The following NTAQ1 variants were observed in gnomAD, a reference collection of about 807,000 sequenced individuals.
NTAQ1 encodes the protein N-terminal glutamine amidase 1, also known as protein N-terminal glutamine amidohydrolase.
In NTAQ1, 21 loss-of-function variants were observed where a neutral mutation model predicts 28.2. The observed-to-expected ratio is 0.74, with a 90% confidence interval of 0.53 to 1.07. The LOEUF is 1.07. NTAQ1 is among the 50% of genes least tolerant of loss of function. NTAQ1 has a pLI of 0.00. For missense variants in NTAQ1, 264 were observed against 256.6 expected, an observed-to-expected ratio of 1.03 and a Z score of -0.20; for synonymous variants, 105 against 90.0, an observed-to-expected ratio of 1.17 and a Z score of -0.94.
chr8:123,475,143 G>A, the NTAQ1 span, among the ~76,000 whole-genome samples: 10 of 151,658 alleles, frequency 6.6e-5, no homozygotes, highest in South Asian at 1.9e-3. Context: ...GGTTATAATC[G>A]AACACTGTCA....
intron 6 of NTAQ1, among the ~76,000 whole-genome samples, chr8:123,466,103 G>T (rs1815955098): frequency 6.6e-6 from 1 of 152,170 alleles, no homozygotes; most frequent in African/African-American, 2.4e-5. Context: ...GGGGCTGAGG[G>T]CAATAGCAGC....
chr8:123,437,129 G>A, intron 4 of NTAQ1, 81 bp from the exon 5 acceptor site: 1 of 1,564,328 alleles, frequency 6.4e-7, no homozygotes, highest in Non-Finnish European at 8.7e-7. Context: ...CATGTCATAG[G>A]AAATGAGTCG....
chr8:123,426,719 G>A (rs778070423), intron 1 of NTAQ1, among the ~76,000 whole-genome samples: 1 of 152,102 alleles, frequency 6.6e-6, no homozygotes, highest in Non-Finnish European at 1.5e-5. Context: ...CAGCACTTTG[G>A]GAGGCTGAGG....
chr8:123,462,481 G>T (rs1219588669), intron 6 of NTAQ1, among the ~76,000 whole-genome samples: 1 of 152,124 alleles, frequency 6.6e-6, no homozygotes, highest in African/African-American at 2.4e-5. Context: ...AAGGCACTAG[G>T]ACTTCTAAGG....
intron 1 of NTAQ1, among the ~76,000 whole-genome samples, chr8:123,421,442 G>A (rs960943951): frequency 1.3e-5 from 2 of 151,342 alleles, no homozygotes; most frequent in South Asian, 2.1e-4. Flanking sequence ...TTTGATTTGC[G>A]TTTCTCTAAT....
chr8:123,418,552 T>G (rs1317113238), intron 1 of NTAQ1, among the ~76,000 whole-genome samples: 1 of 152,112 alleles, frequency 6.6e-6, no homozygotes, highest in East Asian at 1.9e-4. Context: ...TTATCTTCTA[T>G]TAGGATATTT....
At chr8:123,443,819 C>T (rs1014068880), downstream of NTAQ1, among the ~76,000 whole-genome samples, 7 of 152,118 alleles carry the variant, frequency 4.6e-5, no homozygotes, top group African/African-American at 1.7e-4. Context: ...GCAGTCTGCC[C>T]ACCTCGGCCT....
intron 6 of NTAQ1, among the ~76,000 whole-genome samples, chr8:123,466,376 A>G (rs1016477676): frequency 1.3e-5 from 2 of 152,222 alleles, no homozygotes; most frequent in Admixed American, 1.3e-4. Context: ...GAGGAGGATT[A>G]TGGCGCATGG....
At chr8:123,471,482 G>T (rs1367123125), downstream of NTAQ1, among the ~76,000 whole-genome samples, 1 of 152,154 alleles carries the variant, frequency 6.6e-6, no homozygotes, top group African/African-American at 2.4e-5. Flanking sequence ...GATTATGGAG[G>T]CTGGAAAGTC....
rs1308311748 is a variant in NTAQ1 at position 123,416,801 on chromosome 8, G to A, written c.-49G>A. 1.3e-6 allele frequency: 2 copies of A among 1,500,414 alleles called. No homozygotes were observed. The highest frequency in any genetic ancestry group is 1.8e-6 in the Non-Finnish European group (2 of 1,124,012). 92.9% of individuals were successfully genotyped at this position (1,500,414 alleles called of 1,614,324 possible). A position where few individuals can be genotyped will look rare whatever the true frequency, so the allele number is the denominator to read the frequency against. On this transcript the variant is annotated 5_prime_UTR_variant, in exon 1 of 6. Transcript: ENST00000287387. ...TACAAGCCCGCCCTTTCCTACGTCT[G>A]GTCCAGTCGGTCTTCCTCCGGCCCG... is the stretch of plus-strand genomic sequence containing the variant.
In NTAQ1 at chr8:123,441,442, G is replaced by T; in HGVS notation, c.*27G>T. The T allele has an allele frequency of 6.4e-7, 1 of 1,561,092 alleles. No individual in the cohort carries two copies. The highest frequency in any genetic ancestry group is 8.8e-7 in the Non-Finnish European group (1 of 1,140,794). On this transcript the variant is annotated 3_prime_UTR_variant, in exon 6 of 6. Coordinates refer to ENST00000287387, the MANE Select transcript of NTAQ1 (RefSeq NM_018024.3). The stretch of plus-strand genomic sequence containing the variant: ...CTTGGTCTCAAGATGTGGAACTGTG[G>T]AGAAATTCTAGGACATGAACAAGCT...
downstream of NTAQ1, among the ~76,000 whole-genome samples, chr8:123,449,899 C>CTCTCTCTCTCTCTCTCTCTCT (rs1563901878): frequency 1.9e-5 from 2 of 105,598 alleles, no homozygotes; most frequent in African/African-American, 7.2e-5. Context: ...CTCTATCTCT[C>CTCTCTCTCTCTCTCTCTCTCT]CATATGTATA....
rs564258316 is a variant in NTAQ1 at position 123,438,923 on chromosome 8, A to G, written c.508+1589A>G. Among the ~76,000 whole-genome samples, 4 of 152,254 alleles carry G rather than the reference A, an allele frequency of 2.6e-5. No homozygotes were observed. The South Asian group carries it at 8.3e-4, about 32-fold the overall frequency. On this transcript the variant is annotated intron_variant, in intron 5 of 5. Coordinates refer to ENST00000287387, the MANE Select transcript of NTAQ1 (RefSeq NM_018024.3). ...GAGGGCTCGAGGGGTCTGCCTTAGCATCTATGGCAACCTGCTCTACAGGGC... is the reference window on the plus strand; with the variant it reads ...GAGGGCTCGAGGGGTCTGCCTTAGCGTCTATGGCAACCTGCTCTACAGGGC...
At chr8:123,419,864 A>C (rs928307625) in intron 1 of NTAQ1, among the ~76,000 whole-genome samples, 2 of 146,846 alleles carry the variant, frequency 1.4e-5, no homozygotes, top group Admixed American at 1.4e-4. Context: ...TTTAGAGTTT[A>C]AAGAACATTT....
intron 6 of NTAQ1, among the ~76,000 whole-genome samples, chr8:123,458,549 A>G (rs1016228015): frequency 2.6e-5 from 4 of 151,964 alleles, no homozygotes; most frequent in African/African-American, 7.2e-5. Flanking sequence ...ATGCTCAGAA[A>G]GCCCATGAGC....
At chr8:123,431,184 A>G (rs187855508) in intron 3 of NTAQ1, among the ~76,000 whole-genome samples, 1 of 152,164 alleles carries the variant, frequency 6.6e-6, no homozygotes, top group Admixed American at 6.5e-5. Context: ...CTAAAGTACA[A>G]AAATTAGCTG....
At chr8:123,429,156 A>G (rs1407014401) in intron 2 of NTAQ1, among the ~76,000 whole-genome samples, 2 of 152,164 alleles carry the variant, frequency 1.3e-5, no homozygotes, top group South Asian at 2.1e-4. Flanking sequence ...CATTTTATAG[A>G]TGAAGAGATT....
chr8:123,455,995 G>A (rs189351912), intron 6 of NTAQ1, among the ~76,000 whole-genome samples: 36 of 152,208 alleles, frequency 2.4e-4, no homozygotes, highest in Admixed American at 5.2e-4. Context: ...TCTTGATTTA[G>A]GCATCTGGTC....
chr8:123,425,194 C>T (rs536430104), intron 1 of NTAQ1, among the ~76,000 whole-genome samples: 142 of 152,122 alleles, frequency 9.3e-4, no homozygotes, highest in African/African-American at 3.1e-3. Context: ...TGGTTTCAAG[C>T]GATTCTCCTG....
Sources: gnomAD v4.1 joint callset for allele counts (sites outside exome capture counted in the v4.1 genomes callset) on GRCh38, gnomAD v4.1.1 for gene constraint, MANE v1.5 for transcripts, NCBI Gene and HGNC (gene_info 2026-07-23, HGNC 2026-07-21) for gene names.